Variants in PIK3C2B observed in about 807,000 individuals in gnomAD.
The protein encoded by PIK3C2B is phosphatidylinositol-4-phosphate 3-kinase catalytic subunit type 2 beta, also known as phosphatidylinositol 4-phosphate 3-kinase C2 domain-containing subunit beta.
A neutral mutation model predicts 184.3 loss-of-function variants in PIK3C2B; 83 were observed. That is an observed-to-expected ratio of 0.45 (90% CI 0.38 to 0.54). The LOEUF is 0.54. PIK3C2B is among the 20% of genes least tolerant of loss of function. The probability of loss-of-function intolerance (pLI) is 0.00; values close to 1 mark genes in which losing one functional copy is unlikely to be tolerated. For missense variants in PIK3C2B, 1,736 were observed against 2,113.5 expected (o/e 0.82, Z 3.50); for synonymous variants, 779 against 837.6 (o/e 0.93, Z 1.21).
At position 204,432,261 on chromosome 1, in the gene PIK3C2B, C is replaced by A. The variant is rs1305963809; in HGVS notation, c.4094G>T (p.Gly1365Val). Residue 1365 changes from glycine (G) to valine (V), a missense_variant, in exon 27 of 33, where the codon GGC becomes GTC. Gly to Val is a moderately radical substitution (Grantham distance 109). Around this residue, in one of 8 missense-constraint regions of PIK3C2B, gnomAD observed 200 missense variants for 199.1 expected, o/e 1.00. Coordinates refer to ENST00000684373, the MANE Select transcript of PIK3C2B (RefSeq NM_001377334.1). ...ASRTHTLKSS[G>V]RISDVFLCRH... is the part of the protein sequence containing the mutation. ...GCAGAGGAAAACATCACTGATTCGG[C>A]CAGAGCTCTTGAGAGTGTGTGTTCG... The A allele has an allele frequency of 6.2e-7, 1 of 1,614,050 alleles. No homozygotes were observed. Among genetic ancestry groups the A allele is most frequent in the Admixed American group, 1.7e-5 (1 of 60,002 alleles).
chr1:204,431,533 T>C, intron 28 of PIK3C2B, 136 bp downstream of exon 28: 1 of 1,109,456 alleles, frequency 9.0e-7, no homozygotes, highest in South Asian at 1.4e-5. Flanking sequence ...TCAAACTCCA[T>C]ACCAGGCCAA....
In PIK3C2B at chr1:204,424,587, C is replaced by T; in HGVS notation, c.*265G>A. On this transcript the variant is annotated 3_prime_UTR_variant, in exon 33 of 33. Transcript: ENST00000684373. ...CAAACCAAGCATTGCTCCCTTGACA[C>T]AAGGTAAACTTAAAACTTTGCTGCA... 1 of 608,202 alleles carries T rather than the reference C, an allele frequency of 1.6e-6. No individual in the cohort carries two copies. Among genetic ancestry groups the T allele is most frequent in the Non-Finnish European group, 3.1e-6 (1 of 321,046 alleles). 37.7% of individuals were successfully genotyped at this position (608,202 alleles called of 1,614,324 possible).
At chr1:204,457,472 T>G (rs1055654792) in intron 9 of PIK3C2B, among the ~76,000 whole-genome samples, 1 of 152,178 alleles carries the variant, frequency 6.6e-6, no homozygotes, top group Non-Finnish European at 1.5e-5. Flanking sequence ...TTGGTGACTG[T>G]GAATAAAGCC....
intron 3 of PIK3C2B, 60 bp from the exon 4 acceptor site, chr1:204,464,664 T>A (rs951040339): frequency 1.3e-6 from 2 of 1,522,196 alleles, no homozygotes; most frequent in South Asian, 2.4e-5. Context: ...CAAGAAGACA[T>A]CTGTTGGGAA....
At chr1:204,435,832 A>G (rs1675312123) in intron 23 of PIK3C2B, 1 of 152,256 alleles carries the variant, frequency 6.6e-6, no homozygotes, top group South Asian at 2.1e-4. Flanking sequence ...TGGAAAGGTT[A>G]TAAAGAAATC....
intron 1 of PIK3C2B, among the ~76,000 whole-genome samples, chr1:204,474,762 C>G (rs956202339): frequency 6.6e-6 from 1 of 152,006 alleles, no homozygotes; most frequent in Non-Finnish European, 1.5e-5. Flanking sequence ...ATATGTATCT[C>G]TCCTTCAAGT....
At chr1:204,489,949 G>A (rs975533188) in intron 1 of PIK3C2B, 9 of 396,062 alleles carry the variant, frequency 2.3e-5, no homozygotes, top group Non-Finnish European at 3.1e-5. Flanking sequence ...GAGAGAAAGA[G>A]AGAAAGATGT....
intron 23 of PIK3C2B, among the ~76,000 whole-genome samples, chr1:204,436,792 C>G (rs1223449660): frequency 1.3e-5 from 2 of 152,066 alleles, no homozygotes; most frequent in African/African-American, 2.4e-5. Context: ...AGTACAGTGC[C>G]TCTGCATATG....
chr1:204,494,270 G>C (rs1016774104), intron 1 of PIK3C2B, 86 bp downstream of exon 1: 2 of 152,366 alleles, frequency 1.3e-5, no homozygotes, highest in African/African-American at 2.4e-5. Flanking sequence ...ATGTTGGAGG[G>C]AGAGCCCCCT....
chr1:204,432,093 T>G lies in PIK3C2B; in HGVS notation c.4155+107A>C, dbSNP rs547054140. On this transcript the variant is annotated intron_variant, in intron 27 of 32. Coordinates refer to ENST00000684373, the MANE Select transcript of PIK3C2B (RefSeq NM_001377334.1). ...CAGGACTGCTCCCAGCACAGGACGC[T>G]CGGTCAACTCCTGTGCCCACTGTGC... The G allele has an allele frequency of 5.2e-4, 518 of 1,004,848 alleles. 6 individuals carry two copies. The South Asian group carries it at 6.8e-3, about 13-fold the overall frequency. The allele number at this position is 1,004,848 out of a possible 1,614,324, so 62.2% of individuals were successfully genotyped here. A position where few individuals can be genotyped will look rare whatever the true frequency, so the allele number is the denominator to read the frequency against.
At chr1:204,472,687 G>A (rs1656392166) in intron 1 of PIK3C2B, among the ~76,000 whole-genome samples, 1 of 152,094 alleles carries the variant, frequency 6.6e-6, no homozygotes, top group Admixed American at 6.5e-5. Context: ...GGCTGAGGCA[G>A]GAGAATCACT....
rs780181443 is a variant in PIK3C2B, at chr1:204,469,681, C to T, written c.122G>A (p.Arg41Gln). The T allele has an allele frequency of 1.2e-6, 2 of 1,613,910 alleles. No individual in the cohort carries two copies. Among genetic ancestry groups the T allele is most frequent in the Admixed American group, 1.7e-5 (1 of 59,994 alleles). Residue 41 changes from arginine to glutamine, a missense_variant, in exon 2 of 33, where the codon CGG becomes CAG. Physicochemically the swap from Arg to Gln is conservative, Grantham distance 43. Transcript: ENST00000684373. ...QMEYDALSRL[R>Q]HDKEENRAKQ... ...GGCTCTGTTCTCCTCCTTGTCATGC[C>T]GGAGCCGGGACAGGGCATCATACTC...
chr1:204,431,892 G>A, intron 27 of PIK3C2B, 99 bp from the exon 28 acceptor site: 1 of 1,348,698 alleles, frequency 7.4e-7, no homozygotes, highest in South Asian at 1.2e-5. Flanking sequence ...CTGAGGGGAG[G>A]GGCACATTCC....
intron 1 of PIK3C2B, among the ~76,000 whole-genome samples, chr1:204,484,197 C>T (rs944802305): frequency 8.6e-5 from 13 of 151,906 alleles, no homozygotes; most frequent in Admixed American, 6.6e-5. Context: ...TTTTTCCCCC[C>T]TCTGGTATTT....
At position 204,432,232 on chromosome 1, in the gene PIK3C2B, G is replaced by A. The variant is rs148038439; in HGVS notation, c.4123C>T (p.His1375Tyr). 2 of 1,613,974 alleles carry A rather than the reference G, an allele frequency of 1.2e-6. No homozygotes were observed. Among genetic ancestry groups the A allele is most frequent in the Non-Finnish European group, 1.7e-6 (2 of 1,180,002 alleles). The part of the protein sequence containing the change: ...GRISDVFLCR[H>Y]EKIFHPNKGY... Reference sequence around the variant, plus strand: ...TTGTTGGGGTGGAAGATCTTCTCATGGCGGCAGAGGAAAACATCACTGATT... The same window carrying A: ...TTGTTGGGGTGGAAGATCTTCTCATAGCGGCAGAGGAAAACATCACTGATT... The change falls in exon 27 of 33, where the codon CAT becomes TAT. Residue 1375 changes from histidine to tyrosine, a missense_variant. Coordinates refer to ENST00000684373, the MANE Select transcript of PIK3C2B (RefSeq NM_001377334.1).
rs2103461544 is a variant in PIK3C2B, at chr1:204,425,707, TA to T, written c.4621del (p.Tyr1541MetfsTer2). Reference sequence around the variant, plus strand: ...GTCAGGAAGGAGGTAAATTTTCACATAGGGGTCAGGGTCATTTCCATCCTGG... The same window carrying T: ...GTCAGGAAGGAGGTAAATTTTCACATGGGGTCAGGGTCATTTCCATCCTGG... ...LLQDGNDPDP[Y>X]VKIYLLPDPQ... On this transcript the variant is annotated frameshift_variant, in exon 32 of 33. Coordinates refer to ENST00000684373, the MANE Select transcript of PIK3C2B (RefSeq NM_001377334.1). LOFTEE classifies it high-confidence loss of function. The T allele has an allele frequency of 6.2e-7, 1 of 1,613,950 alleles. No homozygotes were observed.
At chr1:204,452,998 A>G (rs1157367668) in intron 12 of PIK3C2B, among the ~76,000 whole-genome samples, 1 of 152,024 alleles carries the variant, frequency 6.6e-6, no homozygotes, top group Non-Finnish European at 1.5e-5. Context: ...CCTAAGTGTG[A>G]AGGGCATGAG....
intron 19 of PIK3C2B, among the ~76,000 whole-genome samples, chr1:204,442,921 AT>A (rs1350277315): frequency 6.6e-6 from 1 of 152,234 alleles, no homozygotes; most frequent in African/African-American, 2.4e-5. Context: ...GGGAAGAGCT[AT>A]TTAGGCTTCT....
At chr1:204,438,670 TC>T (rs1675481175) in intron 23 of PIK3C2B, among the ~76,000 whole-genome samples, 3 of 152,118 alleles carry the variant, frequency 2.0e-5, no homozygotes, top group Non-Finnish European at 4.4e-5. Flanking sequence ...AGCTGGCGCC[TC>T]CTCCAAGACT....
Sources: gnomAD v4.1 joint callset for allele counts (sites outside exome capture counted in the v4.1 genomes callset) on GRCh38, gnomAD v4.1.1 for gene constraint, gnomAD v4.1.1 regional missense constraint, MANE v1.5 for transcripts, NCBI Gene and HGNC (gene_info 2026-07-23, HGNC 2026-07-21) for gene names.